Variants in HMCN1 observed in about 807,000 individuals in gnomAD.
The protein encoded by HMCN1 is hemicentin 1, also known as hemicentin-1.
Under a neutral mutation model 625.9 loss-of-function variants are expected in HMCN1, and 321 were observed. The observed-to-expected ratio is 0.51, with a 90% CI of 0.47 to 0.56. The LOEUF is 0.56. Among genes scored for constraint, HMCN1 ranks in the 20% least tolerant of loss-of-function variants. The pLI, the probability that HMCN1 is intolerant of heterozygous loss-of-function variation, is 0.00. For missense variants in HMCN1, 6,588 were observed against 6,887.3 expected (o/e 0.96, Z 1.54); for synonymous variants, 2,425 against 2,417.6 (o/e 1.00, Z -0.09).
chr1:185,736,203 C>G (rs528180721), intron 1 of HMCN1, among the ~76,000 whole-genome samples: 189 of 152,250 alleles, frequency 1.2e-3, no homozygotes, highest in African/African-American at 4.3e-3. Flanking sequence ...TTTTCATGCT[C>G]TTCACATGAT....
At chr1:186,003,886 G>T in intron 29 of HMCN1, 42 bp downstream of exon 29, 1 of 1,597,276 alleles carries the variant, frequency 6.3e-7, no homozygotes, top group African/African-American at 1.3e-5. Context: ...TTCAATGATA[G>T]GAAAAAGATG....
chr1:185,907,990 A>T (rs1244861571), intron 4 of HMCN1, among the ~76,000 whole-genome samples: 1 of 151,930 alleles, frequency 6.6e-6, no homozygotes, highest in Non-Finnish European at 1.5e-5. Flanking sequence ...TGCACAAAGA[A>T]GTAGGAGATA....
intron 21 of HMCN1, 146 bp downstream of exon 21, chr1:185,989,793 T>TTA (rs1351549733): frequency 4.2e-6 from 3 of 716,034 alleles, no homozygotes; most frequent in Non-Finnish European, 6.6e-6. Flanking sequence ...TTTTTTTTTT[T>TTA]ACAGAAATGC....
At position 186,041,178 on chromosome 1, in the gene HMCN1, G is replaced by A. The variant is rs1180250107; in HGVS notation, c.6304+42G>A. On this transcript the variant is annotated intron_variant, in intron 40 of 106. Transcript: ENST00000271588. ...ATTAATTCTCTTCTGGTAGAGATATGTTTGGGTCCTAAAATCATTGAGAAA... is the reference window on the plus strand; with the variant it reads ...ATTAATTCTCTTCTGGTAGAGATATATTTGGGTCCTAAAATCATTGAGAAA... The A allele has an allele frequency of 5.7e-6, 9 of 1,565,958 alleles. No homozygotes were observed. In the Admixed American group the frequency reaches 1.3e-4, roughly 23 times the overall value.
At chr1:185,924,745 CTTATTTGGTAGTA>C in intron 8 of HMCN1, among the ~76,000 whole-genome samples, 1 of 150,980 alleles carries the variant, frequency 6.6e-6, no homozygotes, top group Non-Finnish European at 1.5e-5. Flanking sequence ...TATATTGTTG[CTTATTTGGTAGTA>C]TTTTTTCTAT....
At chr1:185,929,201 T>G (rs1234087564) in intron 10 of HMCN1, among the ~76,000 whole-genome samples, 1 of 152,152 alleles carries the variant, frequency 6.6e-6, no homozygotes, top group Non-Finnish European at 1.5e-5. Context: ...GAATAGATTC[T>G]GACATTTAAA....
intron 25 of HMCN1, among the ~76,000 whole-genome samples, chr1:185,998,831 A>G (rs1198355648): frequency 6.6e-6 from 1 of 152,012 alleles, no homozygotes; most frequent in Non-Finnish European, 1.5e-5. Flanking sequence ...TTGTTTGTTC[A>G]TTTACATTTT....
Position 186,081,187 on chromosome 1 carries a change from T to G in HMCN1, c.8600-20T>G. 6.2e-7 allele frequency: 1 copy of G among 1,604,762 alleles called. No individual in the cohort carries two copies. Among genetic ancestry groups the G allele is most frequent in the Non-Finnish European group, 8.5e-7 (1 of 1,171,654 alleles). ...AAGACTGTTGCCCATTTTTCTCCCT[T>G]TGTTGCAATCCTTTGTTAGTGCCGC... On this transcript the variant is annotated intron_variant, in intron 55 of 106. Transcript: ENST00000271588.
chr1:186,070,541 G>A (rs1658413435), intron 51 of HMCN1, 71 bp from the exon 52 acceptor site: 2 of 1,315,930 alleles, frequency 1.5e-6, no homozygotes, highest in South Asian at 1.2e-5. Flanking sequence ...GTAATCCTCA[G>A]TGTGATTTCT....
intron 1 of HMCN1, among the ~76,000 whole-genome samples, chr1:185,758,526 C>T (rs1386693940): frequency 6.6e-6 from 1 of 152,128 alleles, no homozygotes; most frequent in Non-Finnish European, 1.5e-5. Context: ...GTCCCAGCCA[C>T]TTGGGAGGCT....
At chr1:186,182,930 A>G (rs2102669540) in intron 105 of HMCN1, among the ~76,000 whole-genome samples, 1 of 152,370 alleles carries the variant, frequency 6.6e-6, no homozygotes, top group Non-Finnish European at 1.5e-5. Flanking sequence ...AGAATAAAAC[A>G]TCAATCTCAG....
intron 97 of HMCN1, among the ~76,000 whole-genome samples, chr1:186,161,840 G>A (rs1651507063): frequency 6.6e-6 from 1 of 152,134 alleles, no homozygotes; most frequent in Admixed American, 6.5e-5. Flanking sequence ...CTTTCTCTCT[G>A]GCTGCCCTTA....
chr1:186,033,350 G>A (rs1024093252), intron 36 of HMCN1, among the ~76,000 whole-genome samples: 1 of 152,110 alleles, frequency 6.6e-6, no homozygotes, highest in Non-Finnish European at 1.5e-5. Context: ...AGCATATACT[G>A]TTCGAGTGAT....
intron 1 of HMCN1, among the ~76,000 whole-genome samples, chr1:185,789,443 A>G (rs57162167): frequency 0.09 from 13,690 of 152,144 alleles, 1,980 homozygotes; most frequent in African/African-American, 0.31. Context: ...CCATATTCTC[A>G]CTGTGATATA....
chr1:185,874,332 G>C (rs1363500724), intron 4 of HMCN1, among the ~76,000 whole-genome samples: 1 of 151,928 alleles, frequency 6.6e-6, no homozygotes, highest in East Asian at 1.9e-4. Flanking sequence ...GGACCATATA[G>C]TTTTGGCTTC....
chr1:185,749,991 G>A (rs191497229), intron 1 of HMCN1, among the ~76,000 whole-genome samples: 168 of 152,212 alleles, frequency 1.1e-3, no homozygotes, highest in African/African-American at 3.8e-3. Flanking sequence ...CCTCCGAAAA[G>A]CCTTCCCTGA....
At chr1:185,949,458 A>G (rs1479336444) in intron 11 of HMCN1, among the ~76,000 whole-genome samples, 1 of 151,918 alleles carries the variant, frequency 6.6e-6, no homozygotes, top group East Asian at 1.9e-4. Flanking sequence ...AGTATTGTCC[A>G]GTCCTTTTTA....
chr1:186,087,334 C>G lies in HMCN1; in HGVS notation c.9160+4C>G. ...AAGTTTTCCCTGACTGTTTATGGTT[C>G]GTTTTTACTCTCTTCATAAAATTCT... is the stretch of plus-strand genomic sequence containing the variant. On this transcript the variant is annotated splice_donor_region_variant and intron_variant, in intron 59 of 106. Coordinates refer to ENST00000271588, the MANE Select transcript of HMCN1 (RefSeq NM_031935.3). 2 of 1,606,270 alleles carry G rather than the reference C, an allele frequency of 1.2e-6. No homozygotes were observed. Among genetic ancestry groups the G allele is most frequent in the Non-Finnish European group, 1.7e-6 (2 of 1,173,228 alleles).
In HMCN1 at chr1:186,130,048, C is replaced by A. The variant is rs41317491; in HGVS notation, c.12987C>A (p.Thr4329=). ...SKEDSGTYVC[T]AENSVGFVKA... ...AGGATTCAGGTACTTATGTGTGCAC[C>A]GCAGAGAACAGCGTTGGCTTTGTGA... is the stretch of plus-strand genomic sequence containing the variant. Residue 4329 remains threonine, a synonymous_variant, in exon 84 of 107, where the codon ACC becomes ACA. Coordinates refer to ENST00000271588, the MANE Select transcript of HMCN1 (RefSeq NM_031935.3). The A allele has an allele frequency of 3.7e-6, 6 of 1,613,120 alleles. No homozygotes were observed. In the South Asian group the frequency reaches 6.6e-5, roughly 18 times the overall value.
Sources: gnomAD v4.1 joint callset for allele counts (sites outside exome capture counted in the v4.1 genomes callset) on GRCh38, gnomAD v4.1.1 for gene constraint, MANE v1.5 for transcripts, NCBI Gene and HGNC (gene_info 2026-07-23, HGNC 2026-07-21) for gene names.